NALF1: variants seen among roughly 807,000 people sequenced by gnomAD.
NALF1 encodes the protein family with sequence similarity 155 member A.
Under a neutral mutation model 48.4 loss-of-function variants are expected in NALF1, and 3 were observed. That is an observed-to-expected ratio of 0.06 (90% confidence interval 0.03 to 0.16). NALF1 has a LOEUF of 0.16. Among genes scored for constraint, NALF1 ranks in the 10% least tolerant of loss-of-function variants. The pLI, the probability that NALF1 is intolerant of heterozygous loss-of-function variation, is 1.00. For synonymous variants in NALF1, 262 were observed against 245.7 expected (o/e 1.07, Z -0.62); for missense variants, 526 against 571.5 (o/e 0.92, Z 0.81).
intron 2 of NALF1, among the ~76,000 whole-genome samples, chr13:107,206,034 A>G (rs1879632831): frequency 6.6e-6 from 1 of 152,150 alleles, no homozygotes; most frequent in Admixed American, 6.5e-5. Flanking sequence ...AGTTTCTAAA[A>G]TAGCACTGCA....
At chr13:107,732,012 G>A (rs908225438) in intron 1 of NALF1, among the ~76,000 whole-genome samples, 1 of 152,108 alleles carries the variant, frequency 6.6e-6, no homozygotes, top group African/African-American at 2.4e-5. Flanking sequence ...TAGAATTGTT[G>A]GGGCCCTGCT....
At chr13:107,512,637 T>G (rs1359029589) in intron 1 of NALF1, among the ~76,000 whole-genome samples, 1 of 152,076 alleles carries the variant, frequency 6.6e-6, no homozygotes, top group Non-Finnish European at 1.5e-5. Context: ...GAGGGGCAGC[T>G]CAGGGCAGTT....
At chr13:107,601,763 A>C (rs1217857214) in intron 1 of NALF1, among the ~76,000 whole-genome samples, 2 of 152,326 alleles carry the variant, frequency 1.3e-5, no homozygotes, top group Non-Finnish European at 1.5e-5. Context: ...ACAATAAAAA[A>C]AAATCACTAT....
chr13:107,459,716 G>A (rs1308055351), intron 1 of NALF1, among the ~76,000 whole-genome samples: 1 of 151,992 alleles, frequency 6.6e-6, no homozygotes, highest in Non-Finnish European at 1.5e-5. Flanking sequence ...TCCCTTCTAA[G>A]CCATTCTTGT....
chr13:107,175,983 C>T (rs762259828), intron 2 of NALF1, among the ~76,000 whole-genome samples: 2 of 152,140 alleles, frequency 1.3e-5, no homozygotes, highest in African/African-American at 2.4e-5. Flanking sequence ...TTCTTCACCC[C>T]CTCATAGGTA....
At chr13:107,342,387 A>G (rs1882697464) in intron 1 of NALF1, among the ~76,000 whole-genome samples, 1 of 152,216 alleles carries the variant, frequency 6.6e-6, no homozygotes, top group Non-Finnish European at 1.5e-5. Context: ...TTACTTTTGC[A>G]TTAAAATGTT....
At chr13:107,681,364 T>C (rs1388912959) in intron 1 of NALF1, among the ~76,000 whole-genome samples, 3 of 152,066 alleles carry the variant, frequency 2.0e-5, no homozygotes, top group Admixed American at 6.5e-5. Context: ...GTGAATGAGA[T>C]GAAAGGGTCA....
chr13:107,690,937 G>A (rs1881554359), intron 1 of NALF1, among the ~76,000 whole-genome samples: 2 of 152,176 alleles, frequency 1.3e-5, no homozygotes, highest in African/African-American at 4.8e-5. Flanking sequence ...CTGAGCCAAT[G>A]CAATTCATAA....
intron 1 of NALF1, among the ~76,000 whole-genome samples, chr13:107,824,247 A>C (rs929043453): frequency 1.3e-5 from 2 of 152,166 alleles, no homozygotes; most frequent in Non-Finnish European, 2.9e-5. Flanking sequence ...GATTGTTAAT[A>C]TAGGGACCAT....
chr13:107,268,201 G>A (rs1444696012), intron 1 of NALF1, among the ~76,000 whole-genome samples: 1 of 152,030 alleles, frequency 6.6e-6, no homozygotes, highest in Non-Finnish European at 1.5e-5. Context: ...TGTTGGCCAG[G>A]ATGGTCTCAA....
intron 1 of NALF1, among the ~76,000 whole-genome samples, chr13:107,557,777 A>G (rs1474849409): frequency 6.6e-6 from 1 of 152,182 alleles, no homozygotes; most frequent in Admixed American, 6.5e-5. Context: ...TCCATGCCAC[A>G]CTGTTTTAAA....
intron 1 of NALF1, among the ~76,000 whole-genome samples, chr13:107,438,593 G>A (rs1275246187): frequency 6.6e-6 from 1 of 151,760 alleles, no homozygotes; most frequent in Non-Finnish European, 1.5e-5. Context: ...CACCAGGTCA[G>A]GAGATCAAGA....
At chr13:107,606,211 T>C (rs1879062649) in intron 1 of NALF1, among the ~76,000 whole-genome samples, 1 of 152,168 alleles carries the variant, frequency 6.6e-6, no homozygotes, top group Non-Finnish European at 1.5e-5. Flanking sequence ...GAAGTGGATC[T>C]GCTACTCCCT....
At chr13:107,784,352 C>T (rs1212356397) in intron 1 of NALF1, among the ~76,000 whole-genome samples, 1 of 152,176 alleles carries the variant, frequency 6.6e-6, no homozygotes, top group Admixed American at 6.5e-5. Flanking sequence ...AAGGCATCCA[C>T]AAATACCAGC....
In NALF1 at chr13:107,348,621, G is replaced by A. The variant is rs1019066190; in HGVS notation, c.916-137866C>T. 1.0e-3 allele frequency among the ~76,000 whole-genome samples: 156 copies of A among 151,044 alleles called. 1 individual carries two copies. Among genetic ancestry groups the A allele is most frequent in the Admixed American group, 3.6e-3 (55 of 15,122 alleles). ...CTCCCACCCCCCGGCAGGCCCCTGC[G>A]TGTGATGTTCCCCTCCCTGTGTCCA... On this transcript the variant is annotated intron_variant, in intron 1 of 2. Transcript: ENST00000375915.
At chr13:107,411,991 T>C (rs986495602) in intron 1 of NALF1, among the ~76,000 whole-genome samples, 3 of 152,120 alleles carry the variant, frequency 2.0e-5, no homozygotes, top group East Asian at 1.9e-4. Context: ...TCTTTTTCTA[T>C]ATTAGATGAG....
chr13:107,241,130 G>C (rs1466837207), intron 1 of NALF1, among the ~76,000 whole-genome samples: 1 of 151,160 alleles, frequency 6.6e-6, no homozygotes, highest in African/African-American at 2.4e-5. Context: ...GGAGGCAGAG[G>C]TTGCAGTGAG....
At chr13:107,444,554 T>C in intron 1 of NALF1, among the ~76,000 whole-genome samples, 1 of 152,168 alleles carries the variant, frequency 6.6e-6, no homozygotes, top group East Asian at 1.9e-4. Flanking sequence ...ACATAATTTA[T>C]GGCCCAGAAT....
At position 107,570,442 on chromosome 13, in the gene NALF1, ATGAT is replaced by A. The variant is rs372761794; in HGVS notation, c.915+295236_915+295239del. ...AAATGTCTTTTCTGTGTAAATTGAT[ATGAT>A]CCCATAATTTTTTCCTTTAATTTTT... On this transcript the variant is annotated intron_variant, in intron 1 of 2. Transcript: ENST00000375915. Among the ~76,000 whole-genome samples the A allele has an allele frequency of 2.8e-4, 43 of 152,126 alleles. No individual in the cohort carries two copies. The East Asian group carries it at 7.9e-3, about 28-fold the overall frequency.
Sources: allele counts gnomAD v4.1 joint callset (sites outside exome capture counted in the v4.1 genomes callset), GRCh38; gene constraint gnomAD v4.1.1; transcripts MANE v1.5; gene names NCBI Gene and HGNC (gene_info 2026-07-23, HGNC 2026-07-21).